Variants in VPS13B observed in about 807,000 individuals in gnomAD.
VPS13B encodes the protein intermembrane lipid transfer protein VPS13B.
VPS13B carries 285 observed loss-of-function variants against 426.4 expected under a neutral mutation model. The observed-to-expected ratio is 0.67, with a 90% CI of 0.61 to 0.74. The LOEUF is 0.74. Ranked by LOEUF, VPS13B falls within the 30% of genes least tolerant of loss-of-function variation. The pLI is 0.00. For missense variants in VPS13B, 4,537 were observed against 4,782.6 expected (o/e 0.95, Z 1.51); for synonymous variants, 1,676 against 1,676.4 (o/e 1.00, Z 0.01).
intron 40 of VPS13B, among the ~76,000 whole-genome samples, chr8:99,768,210 G>A (rs1339139420): frequency 1.3e-5 from 2 of 152,126 alleles, no homozygotes; most frequent in Non-Finnish European, 2.9e-5. Flanking sequence ...CACTTCTCCT[G>A]ATGGGCTGGC....
chr8:99,155,081 A>G (rs1287033850), intron 14 of VPS13B, among the ~76,000 whole-genome samples: 1 of 152,088 alleles, frequency 6.6e-6, no homozygotes, highest in African/African-American at 2.4e-5. Context: ...ATTAAAAAAA[A>G]GCACCAAATT....
intron 31 of VPS13B, among the ~76,000 whole-genome samples, chr8:99,567,192 C>G (rs1175905170): frequency 3.3e-5 from 5 of 152,158 alleles, no homozygotes; most frequent in African/African-American, 1.2e-4. Flanking sequence ...TACCCCTAGT[C>G]GCTCCCTCTT....
intron 39 of VPS13B, among the ~76,000 whole-genome samples, chr8:99,743,798 T>C (rs1809899794): frequency 6.6e-6 from 1 of 152,180 alleles, no homozygotes; most frequent in South Asian, 2.1e-4. Context: ...ACTCAATCCC[T>C]TCCTTACACC....
chr8:99,754,033 T>C (rs1162400039), intron 39 of VPS13B, among the ~76,000 whole-genome samples: 1 of 152,020 alleles, frequency 6.6e-6, no homozygotes, highest in African/African-American at 2.4e-5. Context: ...AAAATCATGA[T>C]TTCCTGCATT....
chr8:99,848,252 T>G (rs1816082856), intron 54 of VPS13B, among the ~76,000 whole-genome samples: 1 of 152,188 alleles, frequency 6.6e-6, no homozygotes, highest in African/African-American at 2.4e-5. Context: ...TATCTAACAT[T>G]CTTGTTACGA....
At chr8:99,461,170 A>T (rs568122898) in intron 23 of VPS13B, among the ~76,000 whole-genome samples, 152 of 146,818 alleles carry the variant, frequency 1.0e-3, no homozygotes, top group South Asian at 1.7e-3. Context: ...TTTTTTTTTT[A>T]AATATTTAGC....
intron 19 of VPS13B, among the ~76,000 whole-genome samples, chr8:99,329,244 T>C (rs1221615368): frequency 6.6e-6 from 1 of 152,102 alleles, no homozygotes; most frequent in African/African-American, 2.4e-5. Flanking sequence ...TTCATAGGTA[T>C]AAACCCTGTA....
intron 33 of VPS13B, among the ~76,000 whole-genome samples, chr8:99,584,410 A>C (rs1037361504): frequency 1.3e-5 from 2 of 152,230 alleles, no homozygotes; most frequent in Admixed American, 1.3e-4. Flanking sequence ...TTTCTTTGCC[A>C]GAAATCCAGT....
intron 3 of VPS13B, among the ~76,000 whole-genome samples, chr8:99,063,252 G>A (rs1010744357): frequency 1.6e-4 from 25 of 152,348 alleles, no homozygotes; most frequent in African/African-American, 6.0e-4. Context: ...AGGGCAAGCC[G>A]AAGCAGGGCG....
At chr8:99,730,963 T>C (rs554281350) in intron 39 of VPS13B, among the ~76,000 whole-genome samples, 57 of 152,062 alleles carry the variant, frequency 3.7e-4, no homozygotes, top group African/African-American at 1.4e-3. Context: ...ATGGAGGAGA[T>C]GGTTACTGAG....
At chr8:99,161,752 A>G (rs547550595) in intron 15 of VPS13B, among the ~76,000 whole-genome samples, 43 of 109,890 alleles carry the variant, frequency 3.9e-4, no homozygotes, top group African/African-American at 1.4e-3. Context: ...TTTTTTTTTG[A>G]GACAGAGTCT....
rs568497449 is a variant in VPS13B at position 99,065,230 on chromosome 8, A to G, written c.291+26664A>G. Among the ~76,000 whole-genome samples the G allele has an allele frequency of 2.0e-5, 3 of 152,346 alleles. No homozygotes were observed. In the East Asian group the frequency reaches 5.8e-4, roughly 29 times the overall value. ...CAAAAAAAGAGAATTTCAGGTTGAT[A>G]TCCCTGAATGAACATTGATGCGAAA... On this transcript the variant is annotated intron_variant, in intron 3 of 61. Transcript: ENST00000357162.
At chr8:99,401,796 G>A (rs1563709796) in intron 21 of VPS13B, among the ~76,000 whole-genome samples, 2 of 152,160 alleles carry the variant, frequency 1.3e-5, no homozygotes, top group South Asian at 4.1e-4. Context: ...AACCTGGGAG[G>A]TGGAGGTTGC....
Position 99,699,612 on chromosome 8 carries a change from T to TA in VPS13B, c.6140dup (p.Asn2047LysfsTer8), listed in dbSNP as rs2130179734. On this transcript the variant is annotated frameshift_variant, in exon 36 of 62. Coordinates refer to ENST00000357162, the MANE Select transcript of VPS13B (RefSeq NM_152564.5). LOFTEE classifies it high-confidence loss of function. ...CAGATAAACCTTTTTTTAAAGAAGA[T>TA]AAAAAATGCACACAGTTTGGCACAT... The TA allele has an allele frequency of 1.9e-6, 3 of 1,614,018 alleles. No individual in the cohort carries two copies. Among genetic ancestry groups the TA allele is most frequent in the Non-Finnish European group, 2.5e-6 (3 of 1,179,980 alleles).
At chr8:99,202,348 A>T (rs1814380422) in intron 17 of VPS13B, among the ~76,000 whole-genome samples, 1 of 152,250 alleles carries the variant, frequency 6.6e-6, no homozygotes, top group African/African-American at 2.4e-5. Context: ...CACTAGGCTC[A>T]CAGAAATGTA....
chr8:99,149,873 C>G (rs1810967248), intron 14 of VPS13B, among the ~76,000 whole-genome samples: 1 of 152,104 alleles, frequency 6.6e-6, no homozygotes, highest in South Asian at 2.1e-4. Context: ...GGTTGGCACT[C>G]CTTATGAGAA....
intron 3 of VPS13B, among the ~76,000 whole-genome samples, chr8:99,045,327 G>A (rs1222957155): frequency 6.6e-6 from 1 of 152,024 alleles, no homozygotes; most frequent in East Asian, 1.9e-4. Context: ...TTTTTCATAT[G>A]TTTGTTGGCC....
At chr8:99,816,092 TTCTCTC>T (rs570168760) in intron 44 of VPS13B, among the ~76,000 whole-genome samples, 4 of 151,318 alleles carry the variant, frequency 2.6e-5, no homozygotes, top group Non-Finnish European at 5.9e-5. Context: ...CCCATTTGTT[TTCTCTC>T]TCTCTCTCTC....
At chr8:99,484,714 G>T (rs2133563560) in intron 25 of VPS13B, among the ~76,000 whole-genome samples, 1 of 152,092 alleles carries the variant, frequency 6.6e-6, no homozygotes, top group East Asian at 1.9e-4. Context: ...TTGAGAGCAA[G>T]AATAGAAATT....
Sources: allele counts gnomAD v4.1 joint callset (sites outside exome capture counted in the v4.1 genomes callset), GRCh38; gene constraint gnomAD v4.1.1; transcripts MANE v1.5; gene names NCBI Gene and HGNC (gene_info 2026-07-23, HGNC 2026-07-21).